Variants in ACTR3C observed in about 807,000 individuals in gnomAD.
The protein encoded by ACTR3C is actin-related protein 3C.
ACTR3C carries 18 observed loss-of-function variants against 26.3 expected under a neutral mutation model. That is an observed-to-expected ratio of 0.68 (90% confidence interval 0.47 to 1.01). The LOEUF is 1.01. ACTR3C is among the 50% of genes least tolerant of loss of function. The pLI is 0.00. For synonymous variants in ACTR3C, 55 were observed against 94.5 expected (o/e 0.58, Z 2.42); for missense variants, 184 against 250.7 (o/e 0.73, Z 1.80).
chr7:150,316,483 A>ATTTTTTTTTTTTTTTTTTTTTTTTT (rs35767189), intron 1 of ACTR3C, among the ~76,000 whole-genome samples: 1 of 80,528 alleles, frequency 1.2e-5, no homozygotes, highest in Non-Finnish European at 2.7e-5. Flanking sequence ...GAATCTGGTT[A>ATTTTTTTTTTTTTTTTTTTTTTTTT]TTTTTTTTTT....
chr7:150,074,580 T>C, the ACTR3C span, among the ~76,000 whole-genome samples: 1 of 149,132 alleles, frequency 6.7e-6, no homozygotes, highest in African/African-American at 2.5e-5. Flanking sequence ...GCATTCACCA[T>C]ACATAAATTA....
At chr7:150,042,825 A>C in the ACTR3C span, among the ~76,000 whole-genome samples, 1 of 151,114 alleles carries the variant, frequency 6.6e-6, no homozygotes, top group Non-Finnish European at 1.5e-5. Context: ...AGTTTGGGTT[A>C]AAAGTCCAGC....
the ACTR3C span, among the ~76,000 whole-genome samples, chr7:150,203,714 C>T: frequency 6.6e-6 from 1 of 152,158 alleles, no homozygotes; most frequent in African/African-American, 2.4e-5. Context: ...TACAGGTGCC[C>T]GCCACCACGC....
At chr7:149,924,448 C>T in the ACTR3C span, among the ~76,000 whole-genome samples, 1 of 152,146 alleles carries the variant, frequency 6.6e-6, no homozygotes, top group African/African-American at 2.4e-5. Flanking sequence ...AACAAACAAA[C>T]ACCAGAACTA....
At chr7:150,131,330 A>G in the ACTR3C span, among the ~76,000 whole-genome samples, 3 of 151,716 alleles carry the variant, frequency 2.0e-5, no homozygotes, top group East Asian at 5.8e-4. Context: ...CTGAAATATG[A>G]TGCATCTGTT....
At chr7:149,937,468 T>C in the ACTR3C span, among the ~76,000 whole-genome samples, 3 of 152,066 alleles carry the variant, frequency 2.0e-5, no homozygotes, top group Non-Finnish European at 2.9e-5. Context: ...ATTTAATACG[T>C]ATTTATTTCC....
the ACTR3C span, among the ~76,000 whole-genome samples, chr7:149,961,572 G>A: frequency 1.6e-4 from 24 of 151,882 alleles, no homozygotes; most frequent in African/African-American, 5.6e-4. Context: ...GGGCTTACAG[G>A]AAGTGCATAG....
chr7:150,035,020 G>GC, the ACTR3C span, among the ~76,000 whole-genome samples: 85 of 144,068 alleles, frequency 5.9e-4, 2 homozygotes, highest in Non-Finnish European at 1.1e-3. Context: ...CAGAGCCAGG[G>GC]GGGGAAGAGG....
chr7:149,992,971 A>G, the ACTR3C span, among the ~76,000 whole-genome samples: 50 of 152,142 alleles, frequency 3.3e-4, 1 homozygote, highest in South Asian at 1.0e-2. Flanking sequence ...CCAGAGTCCA[A>G]AGGCGGAGGA....
chr7:150,186,487 A>C, the ACTR3C span, among the ~76,000 whole-genome samples: 1 of 152,168 alleles, frequency 6.6e-6, no homozygotes, highest in Admixed American at 6.5e-5. Flanking sequence ...GGAGGACCAG[A>C]AGGTAGAATT....
At chr7:150,037,161 C>A in the ACTR3C span, among the ~76,000 whole-genome samples, 16 of 36,240 alleles carry the variant, frequency 4.4e-4, no homozygotes, top group African/African-American at 1.0e-3. Flanking sequence ...TGCCTCCCCC[C>A]CTGTGATGGG....
chr7:150,182,883 C>T, the ACTR3C span, among the ~76,000 whole-genome samples: 4 of 150,948 alleles, frequency 2.6e-5, no homozygotes, highest in East Asian at 7.7e-4. Context: ...GCTGAATAAA[C>T]TAAAAGTTAA....
the ACTR3C span, among the ~76,000 whole-genome samples, chr7:150,109,135 G>T: frequency 6.6e-6 from 1 of 151,960 alleles, no homozygotes; most frequent in African/African-American, 2.4e-5. Flanking sequence ...GTAACCAGGG[G>T]AAAGAAGACT....
At chr7:150,063,168 TTCAC>T in the ACTR3C span, among the ~76,000 whole-genome samples, 1 of 148,498 alleles carries the variant, frequency 6.7e-6, no homozygotes, top group African/African-American at 2.5e-5. Context: ...GTTTTGATTA[TTCAC>T]TCATTTATTC....
chr7:150,148,170 G>A, the ACTR3C span, among the ~76,000 whole-genome samples: 7 of 145,224 alleles, frequency 4.8e-5, no homozygotes, highest in Admixed American at 6.9e-5. Context: ...AAAAAGAAAA[G>A]AAAAGAAAAG....
the ACTR3C span, among the ~76,000 whole-genome samples, chr7:149,944,262 C>CTGAAT: frequency 6.6e-6 from 1 of 152,064 alleles, no homozygotes; most frequent in South Asian, 2.1e-4. Context: ...GATGAGGGAA[C>CTGAAT]TGAAGTTAAG....
chr7:150,139,526 C>A, the ACTR3C span, among the ~76,000 whole-genome samples: 1 of 152,270 alleles, frequency 6.6e-6, no homozygotes, highest in Non-Finnish European at 1.5e-5. Context: ...TGCCAAACAC[C>A]ATTGTTCTTA....
chr7:150,272,489 C>T lies in ACTR3C; in HGVS notation c.564+12264G>A, dbSNP rs4015660. 5.0e-5 allele frequency among the ~76,000 whole-genome samples: 7 copies of T among 139,372 alleles called. No individual in the cohort carries two copies. In the South Asian group the frequency reaches 9.9e-4, roughly 20 times the overall value. 91.4% of individuals were successfully genotyped at this position (139,372 alleles called of 152,430 possible). On this transcript the variant is annotated intron_variant, in intron 6 of 7. Transcript: ENST00000683684. Reference sequence around the variant, plus strand: ...GCTTAAATGTGGCTTACAGGCGTCACTTGCTTTGGTTTCTTATCACCTATG... The same window carrying T: ...GCTTAAATGTGGCTTACAGGCGTCATTTGCTTTGGTTTCTTATCACCTATG...
the ACTR3C span, among the ~76,000 whole-genome samples, chr7:149,930,850 C>T: frequency 6.6e-6 from 1 of 151,808 alleles, no homozygotes; most frequent in Non-Finnish European, 1.5e-5. Context: ...GGTGTGATCT[C>T]GGTTCACTGC....
Sources: gnomAD v4.1 joint callset for allele counts (sites outside exome capture counted in the v4.1 genomes callset) on GRCh38, gnomAD v4.1.1 for gene constraint, MANE v1.5 for transcripts, NCBI Gene and HGNC (gene_info 2026-07-23, HGNC 2026-07-21) for gene names.